PHLPP1: variants seen among roughly 807,000 people sequenced by gnomAD.
PHLPP1 encodes PH domain leucine-rich repeat-containing protein phosphatase 1.
Under a neutral mutation model 117.2 loss-of-function variants are expected in PHLPP1, and 42 were observed. That is an observed-to-expected ratio of 0.36 (90% CI 0.28 to 0.46). PHLPP1 has a LOEUF of 0.46. Ranked by LOEUF, PHLPP1 falls within the 20% of genes least tolerant of loss-of-function variation. The pLI, the probability that PHLPP1 is intolerant of heterozygous loss-of-function variation, is 1.00. For missense variants in PHLPP1, 2,084 were observed against 2,241.9 expected, an observed-to-expected ratio of 0.93 and a Z score of 1.42; for synonymous variants, 1,042 against 970.7, an observed-to-expected ratio of 1.07 and a Z score of -1.37.
intron 12 of PHLPP1, among the ~76,000 whole-genome samples, chr18:62,950,963 A>G (rs1286280472): frequency 6.6e-6 from 1 of 151,826 alleles, no homozygotes; most frequent in South Asian, 2.1e-4. Context: ...AATTGGTGTA[A>G]TGAGTTAACC....
intron 1 of PHLPP1, among the ~76,000 whole-genome samples, chr18:62,828,073 T>A (rs1914658320): frequency 6.6e-6 from 1 of 150,882 alleles, no homozygotes; most frequent in Non-Finnish European, 1.5e-5. Flanking sequence ...AGCATTAGTT[T>A]ATTATGTCAA....
At chr18:62,754,335 C>T (rs1911945841) in intron 1 of PHLPP1, among the ~76,000 whole-genome samples, 1 of 152,194 alleles carries the variant, frequency 6.6e-6, no homozygotes, top group East Asian at 1.9e-4. Flanking sequence ...TGTGTGTGCA[C>T]AGGAATCTGT....
intron 1 of PHLPP1, among the ~76,000 whole-genome samples, chr18:62,813,873 C>G (rs1914192207): frequency 6.6e-6 from 1 of 152,022 alleles, no homozygotes; most frequent in Non-Finnish European, 1.5e-5. Flanking sequence ...AATCAGTGAT[C>G]ATGTTTATGA....
chr18:62,895,012 T>C lies in PHLPP1; in HGVS notation c.2068T>C (p.Phe690Leu), dbSNP rs1916515454. ...TTTTGTTTTGCTTTATTGTAATAGG[T>C]TCACCAAGTTGAAGAGTCTTAACCT... The part of the protein sequence containing the change: ...AARGLNELQR[F>L]TKLKSLNLSN... The change falls in exon 5 of 17, where the codon TTC becomes CTC. Residue 690 changes from phenylalanine (F) to leucine (L), a missense_variant and splice_region_variant. Phe to Leu is a conservative substitution (Grantham distance 22, BLOSUM62 0). This residue lies in a region of PHLPP1 where 1,365 missense variants were observed against 1,605.9 expected (regional missense o/e 0.85). Coordinates refer to ENST00000262719, the MANE Select transcript of PHLPP1 (RefSeq NM_194449.4). 2 of 1,601,928 alleles carry C rather than the reference T, an allele frequency of 1.2e-6. No individual in the cohort carries two copies. Among genetic ancestry groups the C allele is most frequent in the South Asian group, 2.2e-5 (2 of 89,592 alleles).
chr18:62,914,804 G>A (rs1243068994), intron 8 of PHLPP1, 109 bp from the exon 9 acceptor site: 1 of 718,256 alleles, frequency 1.4e-6, no homozygotes, highest in Non-Finnish European at 2.4e-6. Flanking sequence ...TATGCCCTTG[G>A]TACTTTGGTA....
chr18:62,946,156 A>C (rs950342553), intron 12 of PHLPP1, among the ~76,000 whole-genome samples: 4 of 152,270 alleles, frequency 2.6e-5, no homozygotes, highest in Admixed American at 2.0e-4. Context: ...GAGCAGTCCA[A>C]CTTAGCCATT....
Position 62,715,663 on chromosome 18 carries a change from G to C in PHLPP1, c.-21G>C. On this transcript the variant is annotated 5_prime_UTR_variant, in exon 1 of 17. Coordinates refer to ENST00000262719, the MANE Select transcript of PHLPP1 (RefSeq NM_194449.4). ...GCCCGCTGCCTCCGGAGCTGGGGGGGAAACGCGAAGCCCCACTGCAATGGA... is the reference window on the plus strand; with the variant it reads ...GCCCGCTGCCTCCGGAGCTGGGGGGCAAACGCGAAGCCCCACTGCAATGGA... 1 of 1,269,040 alleles carries C rather than the reference G, an allele frequency of 7.9e-7. No individual in the cohort carries two copies. Among genetic ancestry groups the C allele is most frequent in the Non-Finnish European group, 9.9e-7 (1 of 1,007,908 alleles). The allele number at this position is 1,269,040 out of a possible 1,614,324, so 78.6% of individuals were successfully genotyped here.
At chr18:62,955,911 C>G (rs1910597929) in intron 12 of PHLPP1, among the ~76,000 whole-genome samples, 1 of 152,080 alleles carries the variant, frequency 6.6e-6, no homozygotes, top group Non-Finnish European at 1.5e-5. Context: ...CATTTGTTGT[C>G]CTGCTATGCT....
At chr18:62,786,059 T>C (rs1370802839) in intron 1 of PHLPP1, among the ~76,000 whole-genome samples, 2 of 152,228 alleles carry the variant, frequency 1.3e-5, no homozygotes, top group Non-Finnish European at 2.9e-5. Context: ...AGTGATAGCC[T>C]CTAGTGTGGT....
rs1488921071 is a variant in PHLPP1, at chr18:62,972,676, A to G, written c.3723A>G (p.Glu1241=). The G allele has an allele frequency of 6.2e-7, 1 of 1,613,680 alleles. No homozygotes were observed. The highest frequency in any genetic ancestry group is 8.5e-7 in the Non-Finnish European group (1 of 1,179,558). Reference sequence around the variant, plus strand: ...TGCAAAAAACAAAAAACGAAGAAGAATACATGGTCAATACATTCATTGTCA... The same window carrying G: ...TGCAAAAAACAAAAAACGAAGAAGAGTACATGGTCAATACATTCATTGTCA... The part of the protein sequence containing the change: ...EELQKTKNEE[E]YMVNTFIVMQ... Residue 1241 remains glutamate, a synonymous_variant, in exon 15 of 17, where the codon GAA becomes GAG. Coordinates refer to ENST00000262719, the MANE Select transcript of PHLPP1 (RefSeq NM_194449.4).
chr18:62,721,425 TGTGG>T lies in PHLPP1; in HGVS notation c.1576+4170_1576+4173del, dbSNP rs953935125. Reference sequence around the variant, plus strand: ...TGAAAAGTGGGTAACTTTTGAGGGGTGTGGGTGTGTGTGTGTGTGTGTGTGTGTG... The same window carrying T: ...TGAAAAGTGGGTAACTTTTGAGGGGTGTGTGTGTGTGTGTGTGTGTGTGTG... On this transcript the variant is annotated intron_variant, in intron 1 of 16. Coordinates refer to ENST00000262719, the MANE Select transcript of PHLPP1 (RefSeq NM_194449.4). Among the ~76,000 whole-genome samples the T allele has an allele frequency of 3.3e-5, 5 of 150,412 alleles. No homozygotes were observed. In the East Asian group the frequency reaches 7.8e-4, roughly 23 times the overall value.
chr18:62,955,595 C>T (rs2144471809), intron 12 of PHLPP1, among the ~76,000 whole-genome samples: 1 of 152,222 alleles, frequency 6.6e-6, no homozygotes, highest in South Asian at 2.1e-4. Context: ...AGAGGGGAGG[C>T]ACAGGAACAT....
rs755497571 is a variant in PHLPP1 at position 62,920,092 on chromosome 18, A to G, written c.2938A>G (p.Asn980Asp). 1.6e-5 allele frequency: 26 copies of G among 1,613,786 alleles called. No homozygotes were observed. Among genetic ancestry groups the G allele is most frequent in the South Asian group, 6.6e-5 (6 of 91,016 alleles). ...QHNQLLELPP[N>D]LLMKADSLRF... is the part of the protein sequence containing the mutation. ...CAACCAGCTCCTTGAGCTCCCACCT[A>G]ACCTTCTGATGAAGGCTGACAGGTA... The change falls in exon 10 of 17, where the codon AAC (asparagine) becomes GAC (aspartate). Residue 980 changes from asparagine (N) to aspartate (D), a missense_variant. Coordinates refer to ENST00000262719, the MANE Select transcript of PHLPP1 (RefSeq NM_194449.4).
chr18:62,948,911 C>G (rs1016132677), intron 12 of PHLPP1, among the ~76,000 whole-genome samples: 1 of 151,946 alleles, frequency 6.6e-6, no homozygotes, highest in Non-Finnish European at 1.5e-5. Context: ...AAAAATTGTG[C>G]GTATCTTAAA....
intron 9 of PHLPP1, among the ~76,000 whole-genome samples, chr18:62,917,396 T>TGTGTGTGTGTGTGTGTGTGTG (rs1909321733): frequency 9.9e-5 from 14 of 141,440 alleles, no homozygotes; most frequent in Non-Finnish European, 2.0e-4. Flanking sequence ...ACAGTATTCT[T>TGTGTGTGTGTGTGTGTGTGTG]TGTGTGTGTG....
chr18:62,800,088 T>G (rs1163022221), intron 1 of PHLPP1, among the ~76,000 whole-genome samples: 1 of 152,238 alleles, frequency 6.6e-6, no homozygotes, highest in Non-Finnish European at 1.5e-5. Flanking sequence ...TGACTGCACC[T>G]TGAGAGAACT....
chr18:62,766,094 TATATATATAA>T (rs1480838815), intron 1 of PHLPP1, among the ~76,000 whole-genome samples: 7 of 80,438 alleles, frequency 8.7e-5, no homozygotes, highest in Admixed American at 1.3e-4. Flanking sequence ...TATATATATA[TATATATATAA>T]AATATATATA....
chr18:62,765,784 A>G (rs1912453360), intron 1 of PHLPP1, among the ~76,000 whole-genome samples: 1 of 152,030 alleles, frequency 6.6e-6, no homozygotes, highest in African/African-American at 2.4e-5. Context: ...TCACGAGGTC[A>G]GGAGATTGAG....
At chr18:62,833,469 A>G (rs910465482) in intron 2 of PHLPP1, among the ~76,000 whole-genome samples, 1 of 152,208 alleles carries the variant, frequency 6.6e-6, no homozygotes, top group East Asian at 1.9e-4. Context: ...CTGTGGGGAT[A>G]TCAATACCAG....
Sources: gnomAD v4.1 joint callset for allele counts (sites outside exome capture counted in the v4.1 genomes callset) on GRCh38, gnomAD v4.1.1 for gene constraint, gnomAD v4.1.1 regional missense constraint, MANE v1.5 for transcripts, NCBI Gene and HGNC (gene_info 2026-07-23, HGNC 2026-07-21) for gene names.